Variants in AP3S2 observed in about 807,000 individuals in gnomAD.
AP3S2 encodes adaptor related protein complex 3 subunit sigma 2.
In AP3S2, 22 loss-of-function variants were observed where a neutral mutation model predicts 23.4. That is an observed-to-expected ratio of 0.94 (90% confidence interval 0.67 to 1.34). The LOEUF is 1.34. Among genes scored for constraint, AP3S2 ranks in the 40% most tolerant of loss-of-function variants. AP3S2 has a pLI of 0.00. For synonymous variants in AP3S2, 86 were observed against 87.1 expected (o/e 0.99, Z 0.07); for missense variants, 241 against 236.9 (o/e 1.02, Z -0.11).
intron 1 of AP3S2, among the ~76,000 whole-genome samples, chr15:89,891,896 A>T (rs1446219610): frequency 1.3e-5 from 2 of 152,218 alleles, no homozygotes; most frequent in Non-Finnish European, 2.9e-5. Flanking sequence ...GTATATAACC[A>T]AGAGAAATGA....
At position 89,842,359 on chromosome 15, in the gene AP3S2, G is replaced by A. The variant is rs548984385; in HGVS notation, c.346-4637C>T. On this transcript the variant is annotated intron_variant, in intron 4 of 5. Coordinates refer to ENST00000336418, the MANE Select transcript of AP3S2 (RefSeq NM_005829.5). ...TAAAGATAGAATCTAAGGTGTTTCT[G>A]AACTATAAGAGGATTGGGGTCTACA... 1.3e-4 allele frequency among the ~76,000 whole-genome samples: 20 copies of A among 152,284 alleles called. No homozygotes were observed. The South Asian group carries it at 4.1e-3, about 32-fold the overall frequency.
chr15:89,883,297 T>C (rs570034250), intron 3 of AP3S2, among the ~76,000 whole-genome samples: 152 of 152,328 alleles, frequency 1.0e-3, no homozygotes, highest in African/African-American at 3.4e-3. Flanking sequence ...CTTACATTGA[T>C]AACTTACCTC....
Position 89,870,441 on chromosome 15 carries a change from T to TA in AP3S2, c.345+1033dup, listed in dbSNP as rs556583461. On this transcript the variant is annotated intron_variant, in intron 4 of 5. Coordinates refer to ENST00000336418, the MANE Select transcript of AP3S2 (RefSeq NM_005829.5). ...TGATGTTCCTGCACTAGGATGCTGA[T>TA]AGAGTCACAGAGCCATGTCAGATGG... 8.5e-5 allele frequency among the ~76,000 whole-genome samples: 13 copies of TA among 152,280 alleles called. No homozygotes were observed. The South Asian group carries it at 1.7e-3, about 19-fold the overall frequency.
At chr15:89,891,929 T>C (rs1332034320) in intron 1 of AP3S2, among the ~76,000 whole-genome samples, 4 of 152,050 alleles carry the variant, frequency 2.6e-5, no homozygotes, top group Non-Finnish European at 5.9e-5. Flanking sequence ...ACATAAAAAC[T>C]TGCACAAGAA....
chr15:89,876,247 T>C (rs560890672), intron 3 of AP3S2, among the ~76,000 whole-genome samples: 188 of 152,122 alleles, frequency 1.2e-3, no homozygotes, highest in African/African-American at 4.5e-3. Context: ...GGCAAAACCC[T>C]GTCTCTACTA....
At chr15:89,869,885 C>T (rs1038930507) in intron 4 of AP3S2, among the ~76,000 whole-genome samples, 3 of 152,030 alleles carry the variant, frequency 2.0e-5, no homozygotes, top group African/African-American at 7.3e-5. Flanking sequence ...GGATTACAAG[C>T]GTGCACCATC....
intron 4 of AP3S2, among the ~76,000 whole-genome samples, chr15:89,841,420 G>A (rs1245652963): frequency 6.6e-6 from 1 of 152,196 alleles, no homozygotes; most frequent in African/African-American, 2.4e-5. Flanking sequence ...GCTACAGGGA[G>A]AGGACAGGGA....
At position 89,837,648 on chromosome 15, in the gene AP3S2, C is replaced by G. The variant is rs917326756; in HGVS notation, c.420G>C (p.Gln140His). The change falls in exon 5 of 6, where the codon CAG becomes CAC. Residue 140 changes from glutamine to histidine, a missense_variant. Transcript: ENST00000336418. ...LETNMNEIVA[Q>H]IEAQNRLEKS... The stretch of plus-strand genomic sequence containing the variant: ...TCTCCAGCCTGTTTTGAGCCTCAAT[C>G]TGAGCCACGATTTCATTCATGTTTG... The G allele has an allele frequency of 9.3e-6, 15 of 1,614,084 alleles. No individual in the cohort carries two copies. The African/African-American group carries it at 1.9e-4, about 20-fold the overall frequency.
chr15:89,864,614 G>C (rs1896076550), intron 4 of AP3S2, among the ~76,000 whole-genome samples: 1 of 151,828 alleles, frequency 6.6e-6, no homozygotes, highest in South Asian at 2.1e-4. Flanking sequence ...AGGTTGGAGG[G>C]CAGTGGTGTG....
intron 4 of AP3S2, among the ~76,000 whole-genome samples, chr15:89,860,706 T>C (rs1010138548): frequency 9.2e-5 from 14 of 152,214 alleles, no homozygotes; most frequent in Non-Finnish European, 1.9e-4. Context: ...AGATAATAAA[T>C]TTCCTTATTA....
At chr15:89,874,964 G>A (rs1022204573) in intron 3 of AP3S2, among the ~76,000 whole-genome samples, 10 of 152,018 alleles carry the variant, frequency 6.6e-5, no homozygotes, top group Non-Finnish European at 1.3e-4. Flanking sequence ...TTATCCTTTG[G>A]GGGAAAAATA....
intron 4 of AP3S2, among the ~76,000 whole-genome samples, chr15:89,870,825 G>A (rs1261142029): frequency 2.6e-5 from 4 of 152,166 alleles, no homozygotes; most frequent in Non-Finnish European, 1.5e-5. Flanking sequence ...GACAGCATGT[G>A]GTAAGTTGAA....
intron 4 of AP3S2, among the ~76,000 whole-genome samples, chr15:89,858,642 T>C (rs1895925638): frequency 6.6e-6 from 1 of 152,160 alleles, no homozygotes; most frequent in African/African-American, 2.4e-5. Flanking sequence ...TAAAATTGAA[T>C]CTCAATTCCA....
intron 4 of AP3S2, among the ~76,000 whole-genome samples, chr15:89,844,269 T>TTCTTTCTTTC (rs1307399243): frequency 5.8e-4 from 7 of 12,096 alleles, no homozygotes; most frequent in African/African-American, 1.9e-3. Context: ...CTTTCTTTCT[T>TTCTTTCTTTC]TCTCTCTCTC....
At chr15:89,858,511 GAGAGAGAGAGAGAGAAAGAAAGAAAGAAA>G (rs1895912161) in intron 4 of AP3S2, among the ~76,000 whole-genome samples, 1 of 55,558 alleles carries the variant, frequency 1.8e-5, no homozygotes, top group Non-Finnish European at 4.1e-5. Flanking sequence ...GAGAGAGAGA[GAGAGAGAGAGAGAGAAAGAAAGAAAGAAA>G]GAAAGAAAGA....
chr15:89,866,487 CTT>C (rs926497551), intron 4 of AP3S2, among the ~76,000 whole-genome samples: 20 of 138,130 alleles, frequency 1.4e-4, no homozygotes, highest in Admixed American at 2.9e-4. Context: ...AGACAACTTC[CTT>C]TTTTTTTTTT....
chr15:89,870,975 TCTGATAGTCTACCTTC>T (rs922953521), intron 4 of AP3S2, among the ~76,000 whole-genome samples: 4 of 152,242 alleles, frequency 2.6e-5, no homozygotes, highest in African/African-American at 9.6e-5. Context: ...TAATTCTGCC[TCTGATAGTCTACCTTC>T]CTATAGAATA....
chr15:89,889,704 C>CA (rs1442341686), intron 1 of AP3S2, among the ~76,000 whole-genome samples: 1 of 150,794 alleles, frequency 6.6e-6, no homozygotes, highest in East Asian at 2.0e-4. Context: ...CAAAATAAAA[C>CA]AAAAAAACAA....
intron 3 of AP3S2, among the ~76,000 whole-genome samples, chr15:89,872,945 C>T (rs1472275796): frequency 1.2e-4 from 18 of 152,178 alleles, no homozygotes; most frequent in Admixed American, 6.5e-5. Flanking sequence ...ATTATGTATG[C>T]ATGCTCTATG....
Sources: allele counts gnomAD v4.1 joint callset (sites outside exome capture counted in the v4.1 genomes callset), GRCh38; gene constraint gnomAD v4.1.1; transcripts MANE v1.5; gene names NCBI Gene and HGNC (gene_info 2026-07-23, HGNC 2026-07-21).